The following ANK3 variants were observed in gnomAD, a reference collection of about 807,000 sequenced individuals.
ANK3 encodes the protein ankyrin-3.
In ANK3, 57 loss-of-function variants were observed where a neutral mutation model predicts 370.9. The observed-to-expected ratio is 0.15, with a 90% CI of 0.12 to 0.19. ANK3 has a LOEUF of 0.19. ANK3 is among the 10% of genes least tolerant of loss of function. The pLI, the probability that ANK3 is intolerant of heterozygous loss-of-function variation, is 1.00. For synonymous variants in ANK3, 1,929 were observed against 1,946.3 expected (o/e 0.99, Z 0.23); for missense variants, 4,439 against 5,302.1 (o/e 0.84, Z 5.06).
At chr10:60,409,156 C>T (rs953163981) in intron 2 of ANK3, among the ~76,000 whole-genome samples, 5 of 152,150 alleles carry the variant, frequency 3.3e-5, no homozygotes, top group East Asian at 3.9e-4. Context: ...CTGATTTCTC[C>T]GTTTTATGGG....
rs377247891 is a variant in ANK3, at chr10:60,631,321, G to A, written c.58-16097C>T. Among the ~76,000 whole-genome samples, 15 of 152,174 alleles carry A rather than the reference G, an allele frequency of 9.9e-5. No individual in the cohort carries two copies. In the East Asian group the frequency reaches 2.3e-3, roughly 24 times the overall value. ...AGGTGGGTGGATCATGAGGTCAGGA[G>A]ATCGAGACCATCCTGGCCAACCAAG... On this transcript the variant is annotated intron_variant, in intron 1 of 43. Transcript: ENST00000373827.
At chr10:60,684,820 G>C (rs747316976) in intron 1 of ANK3, 1 of 1,529,144 alleles carries the variant, frequency 6.5e-7, no homozygotes, top group Non-Finnish European at 9.0e-7. Context: ...TGTTGATATC[G>C]AAAGGATGGA....
Position 60,295,143 on chromosome 10 carries a change from T to C in ANK3, c.115-15504A>G, listed in dbSNP as rs1158879950. ...CTATGTGATATGTGTTTTCTAAGTA[T>C]TTGCAGATAGATCTAGACTAATATG... On this transcript the variant is annotated intron_variant, in intron 1 of 43. Transcript: ENST00000280772. Among the ~76,000 whole-genome samples, 7 of 152,310 alleles carry C rather than the reference T, an allele frequency of 4.6e-5. No homozygotes were observed. The South Asian group carries it at 1.4e-3, about 32-fold the overall frequency.
At chr10:60,468,846 A>C (rs1379718294) in intron 2 of ANK3, among the ~76,000 whole-genome samples, 1 of 151,224 alleles carries the variant, frequency 6.6e-6, no homozygotes, top group African/African-American at 2.4e-5. Flanking sequence ...CTAAAATGAA[A>C]TACTGAGACA....
At chr10:60,386,332 C>A (rs987962754) in intron 1 of ANK3, among the ~76,000 whole-genome samples, 1 of 151,456 alleles carries the variant, frequency 6.6e-6, no homozygotes, top group African/African-American at 2.4e-5. Flanking sequence ...TGATAAGCAC[C>A]TTTTAAAGAA....
At chr10:60,568,445 A>G (rs1164002626) in intron 2 of ANK3, among the ~76,000 whole-genome samples, 2 of 152,228 alleles carry the variant, frequency 1.3e-5, no homozygotes, top group Non-Finnish European at 2.9e-5. Flanking sequence ...GCATAGTGCA[A>G]ATATAACTTT....
At chr10:60,360,828 A>T in intron 1 of ANK3, among the ~76,000 whole-genome samples, 1 of 152,220 alleles carries the variant, frequency 6.6e-6, no homozygotes, top group Middle Eastern at 3.2e-3. Context: ...CTTTAAATCT[A>T]ATCGTGTAAA....
At chr10:60,429,484 A>G (rs987166130) in intron 2 of ANK3, among the ~76,000 whole-genome samples, 7 of 152,242 alleles carry the variant, frequency 4.6e-5, no homozygotes, top group African/African-American at 1.7e-4. Context: ...ACAGATTAGT[A>G]AAGATTAAGA....
At chr10:60,618,813 A>ACATTATGGAAGG (rs2078297634) in intron 1 of ANK3, among the ~76,000 whole-genome samples, 1 of 152,094 alleles carries the variant, frequency 6.6e-6, no homozygotes, top group East Asian at 1.9e-4. Context: ...TCTCCTCTAC[A>ACATTATGGAAGG]GCTCACCACA....
chr10:60,616,043 G>A (rs2078263718), intron 1 of ANK3, among the ~76,000 whole-genome samples: 2 of 152,056 alleles, frequency 1.3e-5, no homozygotes, highest in South Asian at 4.1e-4. Context: ...CTACACTTGT[G>A]TACATTTCAT....
chr10:60,421,646 T>C (rs1034940807), intron 2 of ANK3, among the ~76,000 whole-genome samples: 2 of 151,962 alleles, frequency 1.3e-5, no homozygotes, highest in Non-Finnish European at 2.9e-5. Flanking sequence ...TCCCCTCCCA[T>C]CCTCACCCTA....
At chr10:60,514,736 A>G (rs2076174451) in intron 2 of ANK3, among the ~76,000 whole-genome samples, 1 of 152,168 alleles carries the variant, frequency 6.6e-6, no homozygotes, top group African/African-American at 2.4e-5. Flanking sequence ...GATTGGCAAT[A>G]AAATGTTCTC....
chr10:60,467,830 T>C (rs2065043976), intron 2 of ANK3, among the ~76,000 whole-genome samples: 1 of 152,144 alleles, frequency 6.6e-6, no homozygotes, highest in African/African-American at 2.4e-5. Context: ...TTTTATAGAC[T>C]GTTTATGAAT....
intron 34 of ANK3, 139 bp downstream of exon 34, chr10:60,082,476 A>C: frequency 8.5e-7 from 1 of 1,177,116 alleles, no homozygotes; most frequent in Non-Finnish European, 1.2e-6. Flanking sequence ...AACAAGACTT[A>C]GGCAATCTAC....
intron 25 of ANK3, among the ~76,000 whole-genome samples, chr10:60,120,865 G>A (rs1159087707): frequency 6.6e-6 from 1 of 152,170 alleles, no homozygotes; most frequent in Non-Finnish European, 1.5e-5. Flanking sequence ...CTCTTACACT[G>A]TTGGTGGGAA....
At chr10:60,214,314 T>C (rs1205187475) in intron 8 of ANK3, among the ~76,000 whole-genome samples, 1 of 152,172 alleles carries the variant, frequency 6.6e-6, no homozygotes. Flanking sequence ...ACTGTTGTAG[T>C]AGAGTTACGA....
chr10:60,059,871 C>A (rs1352392149), intron 40 of ANK3: 1 of 1,614,236 alleles, frequency 6.2e-7, no homozygotes, highest in East Asian at 2.2e-5. Context: ...TAGCCCATCA[C>A]TCAGTCTACT....
intron 4 of ANK3, among the ~76,000 whole-genome samples, chr10:60,278,450 C>T (rs1036667240): frequency 4.6e-5 from 7 of 152,150 alleles, no homozygotes; most frequent in African/African-American, 1.2e-4. Context: ...TCTCGGCTCA[C>T]TGCAACCTCC....
At chr10:60,434,523 T>A (rs2064109962) in intron 2 of ANK3, among the ~76,000 whole-genome samples, 1 of 152,244 alleles carries the variant, frequency 6.6e-6, no homozygotes, top group Non-Finnish European at 1.5e-5. Context: ...ATCCACTTGA[T>A]CATCAACTCC....
Sources: allele counts gnomAD v4.1 joint callset (sites outside exome capture counted in the v4.1 genomes callset), GRCh38; gene constraint gnomAD v4.1.1; transcripts MANE v1.5; gene names NCBI Gene and HGNC (gene_info 2026-07-23, HGNC 2026-07-21).